Variants in ANKS1B observed in about 807,000 individuals in gnomAD.
ANKS1B encodes ankyrin repeat and sterile alpha motif domain containing 1B, also known as ankyrin repeat and sterile alpha motif domain-containing protein 1B.
In ANKS1B, 36 loss-of-function variants were observed where a neutral mutation model predicts 148.3. That is an observed-to-expected ratio of 0.24 (90% CI 0.19 to 0.32). The LOEUF is 0.32. ANKS1B is among the 10% of genes least tolerant of loss of function. ANKS1B has a pLI of 1.00. For synonymous variants in ANKS1B, 542 were observed against 560.8 expected, an observed-to-expected ratio of 0.97 and a Z score of 0.47; for missense variants, 1,157 against 1,542.6, an observed-to-expected ratio of 0.75 and a Z score of 4.19.
At chr12:98,935,345 C>T (rs560533803) in intron 17 of ANKS1B, among the ~76,000 whole-genome samples, 20 of 152,242 alleles carry the variant, frequency 1.3e-4, no homozygotes, top group Admixed American at 3.3e-4. Context: ...GGTGTATGAT[C>T]CTTTTAATGT....
At chr12:99,327,634 C>CA (rs1453337208) in intron 12 of ANKS1B, among the ~76,000 whole-genome samples, 1 of 149,082 alleles carries the variant, frequency 6.7e-6, no homozygotes, top group Non-Finnish European at 1.5e-5. Context: ...GTATCCCCCC[C>CA]ATATATATAT....
chr12:99,249,510 T>C (rs1363533388), intron 12 of ANKS1B, among the ~76,000 whole-genome samples: 1 of 152,198 alleles, frequency 6.6e-6, no homozygotes, highest in Non-Finnish European at 1.5e-5. Context: ...TAGCAGTTCT[T>C]AGCATTGTGA....
At chr12:99,548,551 A>T (rs1441877019) in intron 9 of ANKS1B, among the ~76,000 whole-genome samples, 2 of 152,114 alleles carry the variant, frequency 1.3e-5, no homozygotes, top group Non-Finnish European at 2.9e-5. Context: ...TTAATAATAT[A>T]TTATTTCAGA....
intron 12 of ANKS1B, among the ~76,000 whole-genome samples, chr12:99,319,945 T>C (rs555727232): frequency 6.6e-6 from 1 of 152,322 alleles, no homozygotes; most frequent in African/African-American, 2.4e-5. Context: ...TATCCTTCAC[T>C]TATGAAGGTT....
chr12:99,146,729 T>G (rs181338691), intron 15 of ANKS1B, among the ~76,000 whole-genome samples: 54 of 152,252 alleles, frequency 3.5e-4, no homozygotes, highest in Admixed American at 3.0e-3. Context: ...TCTCCTGCTT[T>G]CTTTCTTTTC....
At chr12:99,191,869 C>T (rs2080760881) in intron 14 of ANKS1B, among the ~76,000 whole-genome samples, 1 of 152,054 alleles carries the variant, frequency 6.6e-6, no homozygotes, top group Admixed American at 6.6e-5. Flanking sequence ...TGCGGTGGCT[C>T]ATGCCTGTAA....
At chr12:99,259,601 T>C (rs1359902349) in intron 12 of ANKS1B, among the ~76,000 whole-genome samples, 1 of 152,258 alleles carries the variant, frequency 6.6e-6, no homozygotes, top group African/African-American at 2.4e-5. Flanking sequence ...CCACCGTTTA[T>C]AGCAAATCCC....
At chr12:99,878,538 T>G (rs2092284395) in intron 1 of ANKS1B, among the ~76,000 whole-genome samples, 1 of 152,260 alleles carries the variant, frequency 6.6e-6, no homozygotes, top group Non-Finnish European at 1.5e-5. Context: ...AAAATTTAGT[T>G]GATAGTTTTA....
chr12:98,794,463 T>C (rs1403550185), intron 22 of ANKS1B: 1 of 293,192 alleles, frequency 3.4e-6, no homozygotes, highest in Non-Finnish European at 6.6e-6. Context: ...GTTTGGTCGA[T>C]GGGGACCCAT....
intron 15 of ANKS1B, among the ~76,000 whole-genome samples, chr12:99,110,344 A>G (rs1414769473): frequency 6.6e-6 from 1 of 152,240 alleles, no homozygotes; most frequent in Non-Finnish European, 1.5e-5. Context: ...ATAAAATCAG[A>G]TAAGCCTACT....
rs1296603366 is a variant in ANKS1B at position 99,803,305 on chromosome 12, CAA to C, written c.669+3097_669+3098del. Among the ~76,000 whole-genome samples the C allele has an allele frequency of 4.1e-5, 4 of 96,472 alleles. No homozygotes were observed. The East Asian group carries it at 1.1e-3, about 27-fold the overall frequency. 63.3% of individuals were successfully genotyped at this position (96,472 alleles called of 152,430 possible). A position where few individuals can be genotyped will look rare whatever the true frequency, so the allele number is the denominator to read the frequency against. ...CCCCCAAAAAAAAAGGCAATGAGAC[CAA>C]AAAAAAAACCAACATATTTTCTATG... On this transcript the variant is annotated intron_variant, in intron 4 of 26. Transcript: ENST00000683438.
At chr12:99,859,626 CTG>C (rs955218631) in intron 1 of ANKS1B, among the ~76,000 whole-genome samples, 7 of 151,680 alleles carry the variant, frequency 4.6e-5, no homozygotes, top group Admixed American at 6.6e-5. Flanking sequence ...CATATAAAAA[CTG>C]TTGAAAGTTT....
chr12:99,175,298 A>G (rs868620760), intron 14 of ANKS1B, among the ~76,000 whole-genome samples: 13 of 152,316 alleles, frequency 8.5e-5, no homozygotes, highest in Admixed American at 5.2e-4. Flanking sequence ...AGTATTCCTT[A>G]TCCAAATGCT....
intron 2 of ANKS1B, among the ~76,000 whole-genome samples, chr12:99,817,950 G>T (rs2082079650): frequency 6.6e-6 from 1 of 151,428 alleles, no homozygotes; most frequent in African/African-American, 2.4e-5. Flanking sequence ...TTCCCATTCT[G>T]TCAGTTGTTG....
intron 9 of ANKS1B, among the ~76,000 whole-genome samples, chr12:99,578,397 A>G (rs2097538793): frequency 6.6e-6 from 1 of 152,144 alleles, no homozygotes; most frequent in South Asian, 2.1e-4. Flanking sequence ...ACATCCAAAT[A>G]AAAGGAGAGG....
chr12:98,965,343 G>T lies in ANKS1B; in HGVS notation c.2778+87814C>A, dbSNP rs564842070. Among the ~76,000 whole-genome samples the T allele has an allele frequency of 4.3e-4, 66 of 152,276 alleles. No individual in the cohort carries two copies. In the South Asian group the frequency reaches 0.013, roughly 30 times the overall value. On this transcript the variant is annotated intron_variant, in intron 17 of 26. Transcript: ENST00000683438. ...TGTACCAGATTCATGTTTGTTGCAA[G>T]AATTTACAGAGGCAATGTATATAAA...
intron 12 of ANKS1B, among the ~76,000 whole-genome samples, chr12:99,318,213 T>C (rs182350711): frequency 4.6e-5 from 7 of 152,354 alleles, no homozygotes; most frequent in African/African-American, 7.2e-5. Context: ...TCTTTTTCTA[T>C]TGAATGGAAT....
At chr12:99,166,046 C>T (rs551353688) in intron 14 of ANKS1B, among the ~76,000 whole-genome samples, 69 of 151,714 alleles carry the variant, frequency 4.5e-4, no homozygotes, top group Non-Finnish European at 7.4e-4. Flanking sequence ...TCCGCAGATG[C>T]AAGAAATCAT....
At chr12:98,970,902 C>T (rs1409400496) in intron 17 of ANKS1B, among the ~76,000 whole-genome samples, 1 of 152,162 alleles carries the variant, frequency 6.6e-6, no homozygotes, top group Non-Finnish European at 1.5e-5. Context: ...TCTGTTAATC[C>T]TCTGAAATTA....
Sources: allele counts gnomAD v4.1 joint callset (sites outside exome capture counted in the v4.1 genomes callset), GRCh38; gene constraint gnomAD v4.1.1; transcripts MANE v1.5; gene names NCBI Gene and HGNC (gene_info 2026-07-23, HGNC 2026-07-21).